BCAS3: variants seen among roughly 807,000 people sequenced by gnomAD.
BCAS3 encodes BCAS3 microtubule associated cell migration factor.
A neutral mutation model predicts 116.1 loss-of-function variants in BCAS3; 53 were observed. The observed-to-expected ratio is 0.46, with a 90% confidence interval of 0.37 to 0.57. The LOEUF (loss-of-function observed/expected upper bound fraction) is 0.57. Among genes scored for constraint, BCAS3 ranks in the 20% least tolerant of loss-of-function variants. BCAS3 has a pLI of 0.00. For missense variants in BCAS3, 917 were observed against 1,165.4 expected, an observed-to-expected ratio of 0.79 and a Z score of 3.10; for synonymous variants, 391 against 408.2, an observed-to-expected ratio of 0.96 and a Z score of 0.51.
chr17:61,079,882 ATTTTTT>A (rs745702399), intron 21 of BCAS3, among the ~76,000 whole-genome samples: 1 of 65,882 alleles, frequency 1.5e-5, no homozygotes, highest in Non-Finnish European at 2.8e-5. Flanking sequence ...AGGCATGAGT[ATTTTTT>A]TTTTTTTTTT....
intron 15 of BCAS3, among the ~76,000 whole-genome samples, chr17:61,014,561 C>A (rs748871782): frequency 2.5e-4 from 37 of 150,600 alleles, no homozygotes; most frequent in Non-Finnish European, 4.6e-4. Context: ...TCACTACATA[C>A]ACAAAAATGA....
At chr17:61,135,998 C>A in intron 22 of BCAS3, 1 of 160,884 alleles carries the variant, frequency 6.2e-6, no homozygotes, top group South Asian at 1.7e-4. Flanking sequence ...TGCTGCTGCT[C>A]CTGTTTCCGC....
At chr17:60,719,914 G>A (rs2039052531) in intron 5 of BCAS3, among the ~76,000 whole-genome samples, 1 of 152,154 alleles carries the variant, frequency 6.6e-6, no homozygotes, top group South Asian at 2.1e-4. Flanking sequence ...CCAGAGTCTT[G>A]ACCTGGGGAC....
At chr17:60,687,372 G>C (rs1598043551) in intron 3 of BCAS3, among the ~76,000 whole-genome samples, 2 of 152,138 alleles carry the variant, frequency 1.3e-5, no homozygotes, top group East Asian at 3.9e-4. Flanking sequence ...GGGAGGCCTA[G>C]GCGGGCAGAT....
intron 22 of BCAS3, among the ~76,000 whole-genome samples, chr17:61,179,273 C>CTTTT (rs34316965): frequency 7.7e-6 from 1 of 129,932 alleles, no homozygotes; most frequent in Admixed American, 7.9e-5. Flanking sequence ...AAGAAAAAGC[C>CTTTT]TTTTTTTTTT....
chr17:61,086,199 C>G (rs1160277513), intron 22 of BCAS3, among the ~76,000 whole-genome samples: 2 of 152,224 alleles, frequency 1.3e-5, no homozygotes, highest in Non-Finnish European at 2.9e-5. Context: ...AGCAATTCTC[C>G]TATCTCGGCT....
At chr17:61,269,033 T>C (rs1220320725) in intron 22 of BCAS3, among the ~76,000 whole-genome samples, 1 of 152,166 alleles carries the variant, frequency 6.6e-6, no homozygotes. Flanking sequence ...GACATTTAGG[T>C]TGCCTCCATC....
chr17:60,808,005 T>C lies in BCAS3; in HGVS notation c.405T>C (p.Gly135=). 6.3e-7 allele frequency: 1 copy of C among 1,597,486 alleles called. No homozygotes were observed. Among genetic ancestry groups the C allele is most frequent in the South Asian group, 1.1e-5 (1 of 89,584 alleles). ...AATTTATTTTATCCTTCCTGTCAGG[T>C]GCTCAAAAATGTGATAACTTTGCTG... ...AARILPAPQF[G]AQKCDNFAEK... The change falls in exon 7 of 24, where the codon GGT becomes GGC. Residue 135 remains glycine (G), a splice_region_variant and synonymous_variant. Transcript: ENST00000407086.
intron 13 of BCAS3, among the ~76,000 whole-genome samples, chr17:60,941,295 G>C (rs1258855453): frequency 1.3e-5 from 2 of 152,138 alleles, no homozygotes; most frequent in African/African-American, 4.8e-5. Context: ...TTGGGGCGTG[G>C]GTTTAGTTTA....
intron 11 of BCAS3, among the ~76,000 whole-genome samples, chr17:60,904,849 T>A (rs2058103874): frequency 6.6e-6 from 1 of 152,154 alleles, no homozygotes; most frequent in Non-Finnish European, 1.5e-5. Flanking sequence ...TTTAAAAAAC[T>A]CACAAAGATG....
At position 61,361,216 on chromosome 17, in the gene BCAS3, C is replaced by T. The variant is rs116147936; in HGVS notation, c.2426-7111C>T. 2.8e-3 allele frequency among the ~76,000 whole-genome samples: 422 copies of T among 151,636 alleles called. 6 individuals are homozygous for T. Among genetic ancestry groups the T allele is most frequent in the African/African-American group, 9.9e-3 (409 of 41,312 alleles). ...ATTAAAAAAAAAAAAAGAAAAGACCCAGACGGAGTAGCAACTTGCCCAGAG... is the reference window on the plus strand; with the variant it reads ...ATTAAAAAAAAAAAAAGAAAAGACCTAGACGGAGTAGCAACTTGCCCAGAG... On this transcript the variant is annotated intron_variant, in intron 22 of 23. Transcript: ENST00000407086. This position sits in a 1 kb window ranked among gnomAD's most constrained non-coding sequence, Gnocchi z 6.5.
At chr17:61,287,824 A>G (rs1213321340) in intron 22 of BCAS3, among the ~76,000 whole-genome samples, 3 of 152,262 alleles carry the variant, frequency 2.0e-5, no homozygotes, top group East Asian at 1.9e-4. Context: ...ACAATAGGAT[A>G]TTCACATTTG....
chr17:61,388,587 A>G lies in BCAS3; in HGVS notation c.2594-3390A>G. 1.3e-6 allele frequency: 2 copies of G among 1,527,484 alleles called. No individual in the cohort carries two copies. Among genetic ancestry groups the G allele is most frequent in the South Asian group, 2.4e-5 (2 of 82,946 alleles). 94.6% of individuals were successfully genotyped at this position (1,527,484 alleles called of 1,614,324 possible). ...CAATCGTTGTCCATATCTTTTCCAAAAAGATTCCTCAATGCTTTTCTTTTC... is the reference window on the plus strand; with the variant it reads ...CAATCGTTGTCCATATCTTTTCCAAGAAGATTCCTCAATGCTTTTCTTTTC... On this transcript the variant is annotated intron_variant, in intron 23 of 23. Transcript: ENST00000407086. This position sits in a 1 kb window ranked among gnomAD's most constrained non-coding sequence, Gnocchi z 6.5.
rs113607102 is a variant in BCAS3, at chr17:61,273,904, A to G, written c.2426-94423A>G. ...TCTTTTTATATATCTCCCGTTTCCT[A>G]TCTTCATTCTTTTTTTTTTCCCCCA... On this transcript the variant is annotated intron_variant, in intron 22 of 23. Coordinates refer to ENST00000407086, the MANE Select transcript of BCAS3 (RefSeq NM_017679.5). Among the ~76,000 whole-genome samples the G allele has an allele frequency of 9.4e-3, 1,382 of 147,148 alleles. 25 individuals are homozygous for G. Among genetic ancestry groups the G allele is most frequent in the African/African-American group, 0.033 (1,322 of 39,566 alleles).
intron 14 of BCAS3, among the ~76,000 whole-genome samples, chr17:60,968,007 G>A (rs1378740983): frequency 6.6e-6 from 1 of 151,688 alleles, no homozygotes; most frequent in East Asian, 1.9e-4. Context: ...TCTTAAAACT[G>A]CTATTTTGAA....
rs2061339773 is a variant in BCAS3, at chr17:60,960,065, T to C, written c.1221+12713T>C. Among the ~76,000 whole-genome samples, 1 of 152,166 alleles carries C rather than the reference T, an allele frequency of 6.6e-6. No individual in the cohort carries two copies. The highest frequency in any genetic ancestry group is 1.5e-5 in the Non-Finnish European group (1 of 68,030). ...TTAGGATTTATAACCTAATCACTTA[T>C]TTTGCCAAAGAGTAACTCTTTGATC... On this transcript the variant is annotated intron_variant, in intron 14 of 23. Transcript: ENST00000407086. This position sits in a 1 kb window ranked among gnomAD's most constrained non-coding sequence, Gnocchi z 4.1.
At chr17:60,903,890 AAGTATT>A (rs2058052975) in intron 11 of BCAS3, among the ~76,000 whole-genome samples, 1 of 152,340 alleles carries the variant, frequency 6.6e-6, no homozygotes, top group South Asian at 2.1e-4. Context: ...TCTTTTTCTC[AAGTATT>A]AGACTCCTTT....
At chr17:61,127,175 T>C (rs1021791341) in intron 22 of BCAS3, among the ~76,000 whole-genome samples, 9 of 152,172 alleles carry the variant, frequency 5.9e-5, no homozygotes, top group African/African-American at 1.9e-4. Context: ...TCAGTACTTC[T>C]CTATTTTCTT....
chr17:60,764,479 G>A (rs924376149), intron 6 of BCAS3, among the ~76,000 whole-genome samples: 1 of 152,156 alleles, frequency 6.6e-6, no homozygotes, highest in Admixed American at 6.5e-5. Context: ...GGAGCAGGTT[G>A]TTCAGTTTCC....
Sources: allele counts gnomAD v4.1 joint callset (sites outside exome capture counted in the v4.1 genomes callset), GRCh38; gene constraint gnomAD v4.1.1; non-coding constraint Gnocchi (gnomAD v3.1); transcripts MANE v1.5; gene names NCBI Gene and HGNC (gene_info 2026-07-23, HGNC 2026-07-21).